Variants in CCPG1 observed in about 807,000 individuals in gnomAD.
The protein encoded by CCPG1 is cell cycle progression 1, also known as cell cycle progression protein 1.
In CCPG1, 46 loss-of-function variants were observed where a neutral mutation model predicts 81.3. That is an observed-to-expected ratio of 0.57 (90% CI 0.45 to 0.72). The LOEUF is 0.72. CCPG1 is among the 30% of genes least tolerant of loss of function. The pLI is 0.00. For synonymous variants in CCPG1, 330 were observed against 305.2 expected, an observed-to-expected ratio of 1.08 and a Z score of -0.85; for missense variants, 902 against 937.6, an observed-to-expected ratio of 0.96 and a Z score of 0.50.
chr15:55,366,304 G>GA (rs148976460), intron 6 of CCPG1, among the ~76,000 whole-genome samples: 24,584 of 151,146 alleles, frequency 0.16, 3,247 homozygotes, highest in African/African-American at 0.37. Context: ...AAGGAAAAAT[G>GA]AAAATTTTTT....
Position 55,408,204 on chromosome 15 carries a change from C to T in CCPG1, c.-10+17G>A, listed in dbSNP as rs892452941. 2.6e-5 allele frequency: 4 copies of T among 152,492 alleles called. No individual in the cohort carries two copies. The highest frequency in any genetic ancestry group is 9.6e-5 in the African/African-American group (4 of 41,478). 9.4% of individuals were successfully genotyped at this position (152,492 alleles called of 1,614,324 possible). A position where few individuals can be genotyped will look rare whatever the true frequency, so the allele number is the denominator to read the frequency against. On this transcript the variant is annotated intron_variant, in intron 1 of 8. Transcript: ENST00000442196. ...CACAAACCCCCTCCCGGGGTCTAAG[C>T]CCGCCTAGTACAGTACCTGAAGGGG... is the stretch of plus-strand genomic sequence containing the variant.
At chr15:55,357,180 T>C in intron 8 of CCPG1, 2 of 932,498 alleles carry the variant, frequency 2.1e-6, no homozygotes, top group Non-Finnish European at 2.6e-6. Flanking sequence ...ACAATTCTCA[T>C]CTCCAATTAC....
At chr15:55,377,506 C>G (rs576269869) in intron 4 of CCPG1, among the ~76,000 whole-genome samples, 7 of 152,326 alleles carry the variant, frequency 4.6e-5, no homozygotes, top group African/African-American at 1.7e-4. Flanking sequence ...CCAAAAAAGA[C>G]TCACTGAACT....
chr15:55,405,779 T>A (rs947443466), intron 1 of CCPG1, among the ~76,000 whole-genome samples: 1 of 152,234 alleles, frequency 6.6e-6, no homozygotes, highest in Non-Finnish European at 1.5e-5. Context: ...TTTCATTTAT[T>A]GTCCCTACTC....
chr15:55,389,947 C>T (rs995716047), intron 1 of CCPG1, among the ~76,000 whole-genome samples: 9 of 152,228 alleles, frequency 5.9e-5, no homozygotes, highest in African/African-American at 7.2e-5. Context: ...TGTTTTGAGA[C>T]GGAGTCTCGA....
Position 55,360,329 on chromosome 15 carries a change from T to C in CCPG1, c.1444A>G (p.Lys482Glu). ...RGSHRAKNKSKETFLGSVKET... is the reference protein window; with the variant it reads ...RGSHRAKNKSEETFLGSVKET... Reference sequence around the variant, plus strand: ...TTAACTGAACCCAAAAATGTTTCCTTTGACTTATTTTTAGCCCTGTGGCTT... The same window carrying C: ...TTAACTGAACCCAAAAATGTTTCCTCTGACTTATTTTTAGCCCTGTGGCTT... The change falls in exon 8 of 9, where the codon AAG becomes GAG. Residue 482 changes from lysine to glutamate, a missense_variant. By Grantham distance (56) the Lys-to-Glu change is moderately conservative. Coordinates refer to ENST00000442196, the MANE Select transcript of CCPG1 (RefSeq NM_001204450.2). 1 of 1,613,856 alleles carries C rather than the reference T, an allele frequency of 6.2e-7. No homozygotes were observed. Among genetic ancestry groups the C allele is most frequent in the Non-Finnish European group, 8.5e-7 (1 of 1,179,978 alleles).
intron 8 of CCPG1, chr15:55,356,778 A>C: frequency 1.0e-6 from 1 of 998,512 alleles, no homozygotes; most frequent in Non-Finnish European, 1.2e-6. Flanking sequence ...CATCTCTCAC[A>C]AACAAAGCAA....
At position 55,367,646 on chromosome 15, in the gene CCPG1, A is replaced by T. The variant is rs189969304; in HGVS notation, c.707-2337T>A. ...GGAAAAAAAAAAAAAATCAAACCTC[A>T]ACACCTGCCCCAAACCAAATTTGTC... On this transcript the variant is annotated intron_variant, in intron 6 of 8. Coordinates refer to ENST00000442196, the MANE Select transcript of CCPG1 (RefSeq NM_001204450.2). Among the ~76,000 whole-genome samples the T allele has an allele frequency of 9.9e-5, 15 of 151,992 alleles. No individual in the cohort carries two copies. In the East Asian group the frequency reaches 2.9e-3, roughly 29 times the overall value.
At chr15:55,371,629 C>G (rs1484641621) in intron 6 of CCPG1, among the ~76,000 whole-genome samples, 164 bp downstream of exon 6, 1 of 152,156 alleles carries the variant, frequency 6.6e-6, no homozygotes, top group African/African-American at 2.4e-5. Flanking sequence ...GTGAGATAGG[C>G]AGCACCCACT....
Position 55,360,954 on chromosome 15 carries a change from T to G in CCPG1, c.829-10A>C, listed in dbSNP as rs1222586836. ...GATTTTCTTTCAATGACTACATTTT[T>G]TTTTGAAAGAGAAGAAATAAAATGT... is the stretch of plus-strand genomic sequence containing the variant. On this transcript the variant is annotated splice_polypyrimidine_tract_variant and intron_variant, in intron 7 of 8. Transcript: ENST00000442196. 1 of 1,507,736 alleles carries G rather than the reference T, an allele frequency of 6.6e-7. No individual in the cohort carries two copies. Among genetic ancestry groups the G allele is most frequent in the East Asian group, 2.3e-5 (1 of 43,726 alleles). 93.4% of individuals were successfully genotyped at this position (1,507,736 alleles called of 1,614,324 possible).
chr15:55,389,224 G>A (rs887022447), intron 2 of CCPG1, 141 bp downstream of exon 2: 1 of 630,232 alleles, frequency 1.6e-6, no homozygotes, highest in Non-Finnish European at 2.9e-6. Context: ...TTTCAGCAGT[G>A]AAGTTTAATA....
chr15:55,389,538 G>A (rs541325416), intron 1 of CCPG1, 105 bp from the exon 2 acceptor site: 2 of 755,088 alleles, frequency 2.6e-6, no homozygotes, highest in African/African-American at 1.7e-5. Flanking sequence ...TGTCTTCCAG[G>A]TGAAACAGAG....
chr15:55,367,470 T>C (rs747364002), intron 6 of CCPG1, among the ~76,000 whole-genome samples: 3 of 152,208 alleles, frequency 2.0e-5, no homozygotes, highest in Non-Finnish European at 4.4e-5. Context: ...CCTAGTCATG[T>C]CTACAAATGC....
At chr15:55,395,472 G>A (rs1171880337) in intron 1 of CCPG1, among the ~76,000 whole-genome samples, 2 of 152,078 alleles carry the variant, frequency 1.3e-5, no homozygotes, top group Non-Finnish European at 2.9e-5. Flanking sequence ...TGAATATCAA[G>A]TATTTTATCT....
intron 1 of CCPG1, among the ~76,000 whole-genome samples, chr15:55,396,894 G>A (rs146992016): frequency 6.6e-6 from 1 of 150,932 alleles, no homozygotes; most frequent in Admixed American, 6.6e-5. Flanking sequence ...CCTAGCAGGA[G>A]AGAGGAGGAA....
At chr15:55,392,185 A>C (rs2056932688) in intron 1 of CCPG1, among the ~76,000 whole-genome samples, 1 of 151,512 alleles carries the variant, frequency 6.6e-6, no homozygotes, top group Admixed American at 6.6e-5. Context: ...ATCTAGTACA[A>C]ATATAGTTTA....
At chr15:55,399,144 A>T (rs891913389) in intron 1 of CCPG1, among the ~76,000 whole-genome samples, 2 of 152,132 alleles carry the variant, frequency 1.3e-5, no homozygotes, top group Non-Finnish European at 2.9e-5. Context: ...TGGAGAAAAA[A>T]GTGAGGGCAG....
intron 6 of CCPG1, among the ~76,000 whole-genome samples, chr15:55,369,353 T>G (rs2056400456): frequency 6.6e-6 from 1 of 151,952 alleles, no homozygotes; most frequent in African/African-American, 2.4e-5. Context: ...CTGACCAACA[T>G]GGAGAAACCC....
In CCPG1 at chr15:55,405,946, C is replaced by T. The variant is rs535686246; in HGVS notation, c.-10+2275G>A. Among the ~76,000 whole-genome samples, 137 of 152,312 alleles carry T rather than the reference C, an allele frequency of 9.0e-4. 2 individuals are homozygous for T. The highest frequency in any genetic ancestry group is 3.2e-3 in the African/African-American group (133 of 41,576). Reference sequence around the variant, plus strand: ...GTGGCATGATCTCGGCTCACTGCAACTTCTGCCTCCCGGGTTCAAGCGATT... The same window carrying T: ...GTGGCATGATCTCGGCTCACTGCAATTTCTGCCTCCCGGGTTCAAGCGATT... On this transcript the variant is annotated intron_variant, in intron 1 of 8. Transcript: ENST00000442196.
Sources: allele counts gnomAD v4.1 joint callset (sites outside exome capture counted in the v4.1 genomes callset), GRCh38; gene constraint gnomAD v4.1.1; transcripts MANE v1.5; gene names NCBI Gene and HGNC (gene_info 2026-07-23, HGNC 2026-07-21).